Variants in RGS7 observed in about 807,000 individuals in gnomAD.
RGS7 encodes the protein regulator of G-protein signaling 7.
A neutral mutation model predicts 81.1 loss-of-function variants in RGS7; 27 were observed. The ratio of observed to expected loss-of-function variants is 0.33; its 90% confidence interval spans 0.25 to 0.46. The LOEUF (loss-of-function observed/expected upper bound fraction) is 0.46, where lower values mean the gene tolerates loss of function less well. Ranked by LOEUF, RGS7 falls within the 20% of genes least tolerant of loss-of-function variation. The pLI, the probability that RGS7 is intolerant of heterozygous loss-of-function variation, is 1.00. For synonymous variants in RGS7, 208 were observed against 207.7 expected (o/e 1.00, Z -0.01); for missense variants, 396 against 607.4 (o/e 0.65, Z 3.66).
In RGS7 at chr1:241,270,751, A is replaced by ACC. The variant is rs71568993; in HGVS notation, c.78+84946_78+84947dup. 6.0e-5 allele frequency among the ~76,000 whole-genome samples: 6 copies of ACC among 100,522 alleles called. No homozygotes were observed. The South Asian group carries it at 2.0e-3, about 34-fold the overall frequency. 65.9% of individuals were successfully genotyped at this position (100,522 alleles called of 152,430 possible). A position where few individuals can be genotyped will look rare whatever the true frequency, so the allele number is the denominator to read the frequency against. ...TATGAAGCAGTGTTCATAGAAATAA[A>ACC]CCCCCCCCCCTTTTTTTTTTTCTTG... is the stretch of plus-strand genomic sequence containing the variant. On this transcript the variant is annotated intron_variant, in intron 2 of 18. Transcript: ENST00000440928.
chr1:241,098,845 C>T, intron 2 of RGS7, 83 bp from the exon 3 acceptor site: 1 of 958,070 alleles, frequency 1.0e-6, no homozygotes, highest in South Asian at 1.4e-5. Flanking sequence ...ATTTTGTATT[C>T]CTGTTTTGCC....
Position 240,920,065 on chromosome 1 carries a change from A to G in RGS7, c.385+10652T>C, listed in dbSNP as rs555055297. 3.1e-6 allele frequency: 3 copies of G among 976,446 alleles called. No individual in the cohort carries two copies. The East Asian group carries it at 7.1e-5, about 23-fold the overall frequency. 60.5% of individuals were successfully genotyped at this position (976,446 alleles called of 1,614,324 possible). A position where few individuals can be genotyped will look rare whatever the true frequency, so the allele number is the denominator to read the frequency against. On this transcript the variant is annotated intron_variant, in intron 6 of 18. Transcript: ENST00000440928. The stretch of plus-strand genomic sequence containing the variant: ...ATTGAAGGGATTGAAATCATGACTG[A>G]TTGAGGCAATGGCAAGAAAAGAGGC...
At chr1:240,866,251 C>T (rs1663214603) in intron 9 of RGS7, among the ~76,000 whole-genome samples, 2 of 152,202 alleles carry the variant, frequency 1.3e-5, no homozygotes, top group South Asian at 4.1e-4. Flanking sequence ...GTTGCTCACG[C>T]CTGTAATCCC....
chr1:240,930,829 G>C, intron 5 of RGS7, 61 bp from the exon 6 acceptor site: 2 of 1,462,100 alleles, frequency 1.4e-6, no homozygotes. Flanking sequence ...GGAGTTTCTG[G>C]CCAGTGAATT....
At chr1:240,899,228 CTCTT>C (rs1197146068) in intron 6 of RGS7, among the ~76,000 whole-genome samples, 2 of 152,144 alleles carry the variant, frequency 1.3e-5, no homozygotes, top group Non-Finnish European at 2.9e-5. Flanking sequence ...TGGGTCTTGA[CTCTT>C]TATCCAATTT....
rs564902954 is a variant in RGS7 at position 240,795,713 on chromosome 1, A to G, written c.*6+4928T>C. ...GCATATCCATTCAAAAGAATTTTGC[A>G]TGGTTAATAAATAGAATCATGTAGA... On this transcript the variant is annotated intron_variant, in intron 18 of 18. Transcript: ENST00000440928. Among the ~76,000 whole-genome samples, 24 of 152,368 alleles carry G rather than the reference A, an allele frequency of 1.6e-4. No homozygotes were observed. In the South Asian group the frequency reaches 5.0e-3, roughly 32 times the overall value.
intron 2 of RGS7, among the ~76,000 whole-genome samples, chr1:241,115,377 C>T (rs1166107138): frequency 2.0e-5 from 3 of 152,308 alleles, no homozygotes; most frequent in Non-Finnish European, 2.9e-5. Context: ...CCACATCATA[C>T]CCAGCAATAT....
At chr1:241,174,782 T>A (rs1304513501) in intron 2 of RGS7, among the ~76,000 whole-genome samples, 1 of 151,684 alleles carries the variant, frequency 6.6e-6, no homozygotes, top group African/African-American at 2.4e-5. Flanking sequence ...CTATGAGAGG[T>A]GGTCCTGTGA....
chr1:240,896,759 C>A (rs939830680), intron 6 of RGS7, among the ~76,000 whole-genome samples: 1 of 152,132 alleles, frequency 6.6e-6, no homozygotes, highest in Non-Finnish European at 1.5e-5. Flanking sequence ...ATTGTTTTGG[C>A]AATGTGGGCT....
chr1:240,979,525 G>T (rs1684624316), intron 4 of RGS7, among the ~76,000 whole-genome samples: 4 of 152,186 alleles, frequency 2.6e-5, no homozygotes, highest in Admixed American at 2.6e-4. Flanking sequence ...TAAGGAGTAG[G>T]TTTGAGAAGT....
chr1:241,084,594 G>A (rs866689566), intron 3 of RGS7, among the ~76,000 whole-genome samples: 10 of 152,142 alleles, frequency 6.6e-5, no homozygotes, highest in Admixed American at 3.9e-4. Flanking sequence ...ACACTCATAT[G>A]ACATTTGGAC....
chr1:240,832,198 C>T (rs1693970891), intron 9 of RGS7, among the ~76,000 whole-genome samples: 1 of 152,094 alleles, frequency 6.6e-6, no homozygotes. Context: ...AATAACATTA[C>T]CATTACCAAG....
In RGS7 at chr1:240,973,181, A is replaced by G. The variant is rs115135962; in HGVS notation, c.226+9898T>C. 6.4e-3 allele frequency among the ~76,000 whole-genome samples: 976 copies of G among 152,274 alleles called. 13 individuals are homozygous for G. The highest frequency in any genetic ancestry group is 0.022 in the African/African-American group (932 of 41,542). ...TTTTCTGGTTGTAAATTGATGAGAT[A>G]TCTGCCTGGCTACTTCATGATATTG... On this transcript the variant is annotated intron_variant, in intron 4 of 18. Transcript: ENST00000440928.
At chr1:241,323,614 GA>G (rs1468095804) in intron 2 of RGS7, among the ~76,000 whole-genome samples, 6 of 152,232 alleles carry the variant, frequency 3.9e-5, no homozygotes, top group Admixed American at 2.6e-4. Context: ...ACGAGTCCAA[GA>G]GACAAAGTAG....
intron 3 of RGS7, among the ~76,000 whole-genome samples, chr1:241,044,557 A>G (rs1176395573): frequency 1.3e-5 from 2 of 152,144 alleles, no homozygotes; most frequent in Non-Finnish European, 2.9e-5. Flanking sequence ...TGAGTAAGTG[A>G]GACTACAGGT....
At chr1:241,042,839 C>T (rs1411676488) in intron 3 of RGS7, among the ~76,000 whole-genome samples, 1 of 151,724 alleles carries the variant, frequency 6.6e-6, no homozygotes, top group Non-Finnish European at 1.5e-5. Flanking sequence ...ACTTGGGAGG[C>T]TGAGGCAGGA....
intron 5 of RGS7, among the ~76,000 whole-genome samples, chr1:240,931,618 T>G (rs934021394): frequency 2.2e-4 from 34 of 151,948 alleles, no homozygotes; most frequent in African/African-American, 8.2e-4. Flanking sequence ...CTACAAAAAA[T>G]AAATAAAAAT....
At chr1:240,807,942 C>T (rs550570784) in intron 14 of RGS7, among the ~76,000 whole-genome samples, 5 of 147,984 alleles carry the variant, frequency 3.4e-5, no homozygotes, top group East Asian at 2.0e-4. Context: ...GGCTGAGGCA[C>T]GAGAATCGCT....
At chr1:241,294,769 T>C (rs1357066023) in intron 2 of RGS7, among the ~76,000 whole-genome samples, 2 of 152,204 alleles carry the variant, frequency 1.3e-5, no homozygotes, top group East Asian at 1.9e-4. Flanking sequence ...TACCATGGTG[T>C]TACAACTGCC....
Sources: gnomAD v4.1 joint callset for allele counts (sites outside exome capture counted in the v4.1 genomes callset) on GRCh38, gnomAD v4.1.1 for gene constraint, MANE v1.5 for transcripts, NCBI Gene and HGNC (gene_info 2026-07-23, HGNC 2026-07-21) for gene names.